Variants in SHISA9 observed in about 807,000 individuals in gnomAD.
SHISA9 encodes shisa family member 9, also known as protein shisa-9.
In SHISA9, 13 loss-of-function variants were observed where a neutral mutation model predicts 38.0. The ratio of observed to expected loss-of-function variants is 0.34; its 90% CI spans 0.22 to 0.54. SHISA9 has a LOEUF of 0.54. Ranked by LOEUF, SHISA9 falls within the 20% of genes least tolerant of loss-of-function variation. The pLI, the probability that SHISA9 is intolerant of heterozygous loss-of-function variation, is 0.91. For synonymous variants in SHISA9, 275 were observed against 242.0 expected, an observed-to-expected ratio of 1.14 and a Z score of -1.27; for missense variants, 538 against 575.8, an observed-to-expected ratio of 0.93 and a Z score of 0.67.
the SHISA9 span, among the ~76,000 whole-genome samples, chr16:13,396,568 C>A: frequency 2.6e-4 from 40 of 152,286 alleles, no homozygotes; most frequent in African/African-American, 9.1e-4. Context: ...ACAGACTAGA[C>A]CCAAATCCTC....
chr16:13,002,002 G>C (rs1442405700), intron 2 of SHISA9, among the ~76,000 whole-genome samples: 1 of 152,142 alleles, frequency 6.6e-6, no homozygotes, highest in Admixed American at 6.5e-5. Context: ...TAGTAAAAAT[G>C]TTAGAAAAAA....
At chr16:13,139,926 C>A (rs1248665655) in intron 2 of SHISA9, among the ~76,000 whole-genome samples, 1 of 152,182 alleles carries the variant, frequency 6.6e-6, no homozygotes, top group Non-Finnish European at 1.5e-5. Context: ...TGTCTATATC[C>A]TGGTGGCTTT....
the SHISA9 span, among the ~76,000 whole-genome samples, chr16:13,469,247 A>G: frequency 2.0e-5 from 3 of 150,876 alleles, no homozygotes; most frequent in African/African-American, 4.9e-5. Flanking sequence ...GCCAAGAAAA[A>G]AAAAGAGAAG....
the SHISA9 span, among the ~76,000 whole-genome samples, chr16:13,397,332 G>T: frequency 7.9e-5 from 12 of 152,308 alleles, no homozygotes; most frequent in African/African-American, 2.6e-4. Context: ...AGACAGGTCC[G>T]CTGTGGGGCT....
chr16:13,152,194 C>A (rs898199160), intron 2 of SHISA9, among the ~76,000 whole-genome samples: 6 of 152,170 alleles, frequency 3.9e-5, no homozygotes, highest in African/African-American at 1.2e-4. Context: ...GTCTACCACT[C>A]CCTAGAAATA....
intron 2 of SHISA9, among the ~76,000 whole-genome samples, chr16:13,118,607 G>A (rs56143008): frequency 0.079 from 12,100 of 152,242 alleles, 652 homozygotes; most frequent in South Asian, 0.19. Flanking sequence ...GGCAGGCCCA[G>A]AGATCCTGCA....
At chr16:12,912,299 C>T (rs2071195325) in intron 1 of SHISA9, among the ~76,000 whole-genome samples, 1 of 152,172 alleles carries the variant, frequency 6.6e-6, no homozygotes, top group Non-Finnish European at 1.5e-5. Context: ...TGTCCTTGGA[C>T]TTTGGGGCTG....
chr16:13,199,033 A>G (rs2050978108), intron 2 of SHISA9, among the ~76,000 whole-genome samples: 1 of 152,232 alleles, frequency 6.6e-6, no homozygotes, highest in Non-Finnish European at 1.5e-5. Flanking sequence ...ATAATATAAA[A>G]GTGTGTCCCA....
chr16:13,215,098 G>T (rs1228930771), intron 4 of SHISA9, among the ~76,000 whole-genome samples: 1 of 152,150 alleles, frequency 6.6e-6, no homozygotes, highest in Non-Finnish European at 1.5e-5. Context: ...ATGGAGAGAA[G>T]AAAATGGGAG....
At chr16:13,352,778 C>G in the SHISA9 span, among the ~76,000 whole-genome samples, 1 of 110,242 alleles carries the variant, frequency 9.1e-6, no homozygotes, top group Non-Finnish European at 1.8e-5. Flanking sequence ...TGTTCTCTGG[C>G]GGGCAGGAGT....
intron 2 of SHISA9, among the ~76,000 whole-genome samples, chr16:13,202,781 C>A (rs1389854716): frequency 6.6e-6 from 1 of 152,188 alleles, no homozygotes; most frequent in African/African-American, 2.4e-5. Flanking sequence ...GCAAAAACAT[C>A]TCTGAACAAA....
chr16:13,266,522 G>A, the SHISA9 span, among the ~76,000 whole-genome samples: 1 of 152,150 alleles, frequency 6.6e-6, no homozygotes, highest in African/African-American at 2.4e-5. Flanking sequence ...GTTGGTTCAA[G>A]CATGCAAGCA....
chr16:13,012,547 T>C (rs1379059812), intron 2 of SHISA9, among the ~76,000 whole-genome samples: 1 of 152,120 alleles, frequency 6.6e-6, no homozygotes, highest in Non-Finnish European at 1.5e-5. Flanking sequence ...ACGCTTTTCA[T>C]TTCAAATAAA....
rs560884216 is a variant in SHISA9, at chr16:13,235,656, G to A, written c.*247G>A. ...AGCAATACAGCAAAGGGGAAAATGAGGCACACTCTTTCCACTTCAGGCCCA... is the reference window on the plus strand; with the variant it reads ...AGCAATACAGCAAAGGGGAAAATGAAGCACACTCTTTCCACTTCAGGCCCA... On this transcript the variant is annotated 3_prime_UTR_variant, in exon 5 of 5. Transcript: ENST00000558583. 6.2e-6 allele frequency: 3 copies of A among 481,902 alleles called. No homozygotes were observed. Among genetic ancestry groups the A allele is most frequent in the African/African-American group, 2.0e-5 (1 of 51,234 alleles). 29.9% of individuals were successfully genotyped at this position (481,902 alleles called of 1,614,324 possible).
At chr16:13,129,263 A>T (rs969072734) in intron 2 of SHISA9, among the ~76,000 whole-genome samples, 2 of 152,206 alleles carry the variant, frequency 1.3e-5, no homozygotes, top group African/African-American at 4.8e-5. Flanking sequence ...TTCTCAATGC[A>T]TGTATATAAT....
chr16:13,294,802 A>G, the SHISA9 span, among the ~76,000 whole-genome samples: 1 of 152,232 alleles, frequency 6.6e-6, no homozygotes, highest in African/African-American at 2.4e-5. Flanking sequence ...AGTGGGAAGC[A>G]TAATTAAATG....
intron 2 of SHISA9, among the ~76,000 whole-genome samples, chr16:13,099,142 C>T (rs529973514): frequency 9.2e-5 from 14 of 152,244 alleles, no homozygotes; most frequent in Non-Finnish European, 1.9e-4. Flanking sequence ...CATGTCAATT[C>T]ACTGACCGAT....
At chr16:13,417,227 T>C in the SHISA9 span, among the ~76,000 whole-genome samples, 1 of 152,172 alleles carries the variant, frequency 6.6e-6, no homozygotes, top group African/African-American at 2.4e-5. Flanking sequence ...TGTTGAAGGG[T>C]GGTTGGCACC....
chr16:13,261,485 C>A, the SHISA9 span, among the ~76,000 whole-genome samples: 1 of 152,146 alleles, frequency 6.6e-6, no homozygotes, highest in Admixed American at 6.5e-5. Flanking sequence ...GGGTCCAATG[C>A]AAACTGAGGT....
Sources: gnomAD v4.1 joint callset for allele counts (sites outside exome capture counted in the v4.1 genomes callset) on GRCh38, gnomAD v4.1.1 for gene constraint, MANE v1.5 for transcripts, NCBI Gene and HGNC (gene_info 2026-07-23, HGNC 2026-07-21) for gene names.